ADAM10: variants seen among roughly 807,000 people sequenced by gnomAD.
The protein encoded by ADAM10 is disintegrin and metalloproteinase domain-containing protein 10.
ADAM10 carries 17 observed loss-of-function variants against 90.1 expected under a neutral mutation model. That is an observed-to-expected ratio of 0.19 (90% CI 0.13 to 0.28). ADAM10 has a LOEUF of 0.28. Among genes scored for constraint, ADAM10 ranks in the 10% least tolerant of loss-of-function variants. The pLI is 1.00. For missense variants in ADAM10, 610 were observed against 914.3 expected (o/e 0.67, Z 4.29); for synonymous variants, 310 against 298.6 (o/e 1.04, Z -0.40).
At chr15:58,741,748 T>C (rs1899623315) in intron 1 of ADAM10, among the ~76,000 whole-genome samples, 2 of 152,264 alleles carry the variant, frequency 1.3e-5, no homozygotes, top group Non-Finnish European at 2.9e-5. Flanking sequence ...TACTTATTTC[T>C]ACGATCATTC....
At chr15:58,709,893 G>A (rs1384606935) in intron 2 of ADAM10, among the ~76,000 whole-genome samples, 1 of 152,084 alleles carries the variant, frequency 6.6e-6, no homozygotes, top group African/African-American at 2.4e-5. Flanking sequence ...CTTTTCAAAG[G>A]AGGAGGGAGA....
chr15:58,723,937 G>C (rs914841061), intron 1 of ADAM10, among the ~76,000 whole-genome samples: 10 of 152,086 alleles, frequency 6.6e-5, no homozygotes, highest in Non-Finnish European at 7.4e-5. Context: ...ATTATATTAA[G>C]AAATTCATAT....
rs1895780894 is a variant in ADAM10, at chr15:58,621,347, C to T, written c.1511+124G>A. The T allele has an allele frequency of 3.1e-6, 3 of 958,642 alleles. No individual in the cohort carries two copies. In the Admixed American group the frequency reaches 6.5e-5, roughly 21 times the overall value. 59.4% of individuals were successfully genotyped at this position (958,642 alleles called of 1,614,324 possible). On this transcript the variant is annotated intron_variant, in intron 11 of 15. Transcript: ENST00000260408. ...CCAACACTACTTCAGAAAAAGAAAA[C>T]AAACAACAGATAAAAGCAAAGTTTC...
intron 2 of ADAM10, among the ~76,000 whole-genome samples, chr15:58,691,894 T>C (rs1331591599): frequency 6.6e-6 from 1 of 152,062 alleles, no homozygotes; most frequent in Non-Finnish European, 1.5e-5. Flanking sequence ...CAGGCTGGTC[T>C]TGAACTCCTG....
chr15:58,708,122 T>C (rs1026557178), intron 2 of ADAM10, among the ~76,000 whole-genome samples: 1 of 151,736 alleles, frequency 6.6e-6, no homozygotes, highest in Non-Finnish European at 1.5e-5. Context: ...AATGACAGGA[T>C]TTAAGAATAG....
intron 14 of ADAM10, among the ~76,000 whole-genome samples, chr15:58,607,580 A>C (rs1247009885): frequency 2.6e-5 from 4 of 152,192 alleles, no homozygotes; most frequent in African/African-American, 9.7e-5. Context: ...TTCATTCATA[A>C]AGAATACCAG....
Position 58,593,091 on chromosome 15 carries a change from T to C in ADAM10, c.*4456A>G, listed in dbSNP as rs1420197301. 2.0e-5 allele frequency: 3 copies of C among 146,402 alleles called. No individual in the cohort carries two copies. Among genetic ancestry groups the C allele is most frequent in the Non-Finnish European group, 4.5e-5 (3 of 66,940 alleles). The allele number at this position is 146,402 out of a possible 1,614,324, so 9.1% of individuals were successfully genotyped here. A position where few individuals can be genotyped will look rare whatever the true frequency, so the allele number is the denominator to read the frequency against. ...ATGAGAAAGGTGGGTTACAAAAGTG[T>C]GCATATTATGTTTTTGTCACACACA... On this transcript the variant is annotated 3_prime_UTR_variant, in exon 16 of 16. Transcript: ENST00000260408.
chr15:58,637,374 T>C (rs1347247744), intron 8 of ADAM10, among the ~76,000 whole-genome samples: 1 of 151,996 alleles, frequency 6.6e-6, no homozygotes, highest in Admixed American at 6.6e-5. Flanking sequence ...GACCTATAGG[T>C]AGAAACATGA....
At chr15:58,686,625 A>G (rs2040282485) in intron 2 of ADAM10, 10 of 869,322 alleles carry the variant, frequency 1.2e-5, no homozygotes, top group Non-Finnish European at 1.9e-5. Flanking sequence ...TGAAGACTCT[A>G]AGAGAGAAGT....
rs576567450 is a variant in ADAM10 at position 58,725,471 on chromosome 15, A to C, written c.56-7744T>G. On this transcript the variant is annotated intron_variant, in intron 1 of 15. Transcript: ENST00000260408. ...TGAGGCAGGAGGTTCGCTTGAGCCC[A>C]GGAGTCCAAGGTTGCAGTGAGCTAT... 7.3e-5 allele frequency among the ~76,000 whole-genome samples: 11 copies of C among 151,654 alleles called. No homozygotes were observed. The East Asian group carries it at 2.1e-3, about 29-fold the overall frequency.
intron 4 of ADAM10, among the ~76,000 whole-genome samples, chr15:58,670,534 G>A (rs1216633175): frequency 6.6e-6 from 1 of 152,014 alleles, no homozygotes; most frequent in Non-Finnish European, 1.5e-5. Context: ...ATTTATCAAG[G>A]AAACAGCAGA....
intron 10 of ADAM10, among the ~76,000 whole-genome samples, chr15:58,625,023 A>G (rs1895896460): frequency 6.6e-6 from 1 of 152,232 alleles, no homozygotes; most frequent in Non-Finnish European, 1.5e-5. Flanking sequence ...ATTAAGAAGC[A>G]TTAGAAAAAC....
chr15:58,610,440 G>A lies in ADAM10; in HGVS notation c.1882C>T (p.Pro628Ser). Residue 628 changes from proline to serine, a missense_variant, in exon 14 of 16, where the codon CCT becomes TCT. Coordinates refer to ENST00000260408, the MANE Select transcript of ADAM10 (RefSeq NM_001110.4). Reference protein sequence around the residue: ...HFSGRTITLQPGSPCNDFRGY... With the variant: ...HFSGRTITLQSGSPCNDFRGY... ...CTAAAATCGTTGCAAGGGGATCCAGGTTGCAGGGTGATGGTTCGACCACTG... is the reference window on the plus strand; with the variant it reads ...CTAAAATCGTTGCAAGGGGATCCAGATTGCAGGGTGATGGTTCGACCACTG... The A allele has an allele frequency of 6.2e-7, 1 of 1,614,160 alleles. No individual in the cohort carries two copies. Among genetic ancestry groups the A allele is most frequent in the Non-Finnish European group, 8.5e-7 (1 of 1,180,030 alleles).
chr15:58,724,070 G>A (rs1217234767), intron 1 of ADAM10, among the ~76,000 whole-genome samples: 5 of 152,014 alleles, frequency 3.3e-5, no homozygotes, highest in South Asian at 4.2e-4. Flanking sequence ...GTCTCCACTC[G>A]GGAGGCTGAG....
chr15:58,613,044 G>A (rs1895495749), intron 11 of ADAM10, among the ~76,000 whole-genome samples: 1 of 152,146 alleles, frequency 6.6e-6, no homozygotes, highest in African/African-American at 2.4e-5. Context: ...GGATCCCCTT[G>A]GCTAAGTCTC....
At chr15:58,617,080 G>A (rs766696784) in intron 11 of ADAM10, among the ~76,000 whole-genome samples, 1 of 151,878 alleles carries the variant, frequency 6.6e-6, no homozygotes, top group Non-Finnish European at 1.5e-5. Flanking sequence ...CTGCACTCCA[G>A]CCTGGGGAAA....
rs1471420586 is a variant in ADAM10, at chr15:58,589,514, T to C, written c.*8033A>G. 6.6e-6 allele frequency: 1 copy of C among 152,266 alleles called. No individual in the cohort carries two copies. The highest frequency in any genetic ancestry group is 2.4e-5 in the African/African-American group (1 of 41,444). 9.4% of individuals were successfully genotyped at this position (152,266 alleles called of 1,614,324 possible). A position where few individuals can be genotyped will look rare whatever the true frequency, so the allele number is the denominator to read the frequency against. On this transcript the variant is annotated 3_prime_UTR_variant, in exon 16 of 16. Transcript: ENST00000260408. ...GTAGAGTTTCCAACACAAACCCCTC[T>C]GTACTGTAACTGCTGGTTTCTTTCC...
chr15:58,655,791 G>T (rs1896815433), intron 5 of ADAM10, among the ~76,000 whole-genome samples: 1 of 113,458 alleles, frequency 8.8e-6, no homozygotes, highest in East Asian at 2.8e-4. Context: ...CTGTCACCCA[G>T]ACTGGAGTGC....
chr15:58,627,715 T>G lies in ADAM10; in HGVS notation c.1345A>C (p.Asn449His). 6.2e-7 allele frequency: 1 copy of G among 1,612,864 alleles called. No homozygotes were observed. Among genetic ancestry groups the G allele is most frequent in the East Asian group, 2.2e-5 (1 of 44,788 alleles). Residue 449 changes from asparagine (N) to histidine (H), a missense_variant, in exon 10 of 16, where the codon AAC (asparagine) becomes CAC (histidine). Asn to His is a moderately conservative substitution (Grantham distance 68, BLOSUM62 1). Coordinates refer to ENST00000260408, the MANE Select transcript of ADAM10 (RefSeq NM_001110.4). ...NISQVLEKKR[N>H]NCFVESGQPI... Reference sequence around the variant, plus strand: ...ATATACATACCAACAAAACAGTTGTTTCTCTTCTTCTCAAGAACTTGGCTT... The same window carrying G: ...ATATACATACCAACAAAACAGTTGTGTCTCTTCTTCTCAAGAACTTGGCTT...
Sources: gnomAD v4.1 joint callset for allele counts (sites outside exome capture counted in the v4.1 genomes callset) on GRCh38, gnomAD v4.1.1 for gene constraint, MANE v1.5 for transcripts, NCBI Gene and HGNC (gene_info 2026-07-23, HGNC 2026-07-21) for gene names.